EVI5: variants seen among roughly 807,000 people sequenced by gnomAD.
The protein encoded by EVI5 is ecotropic viral integration site 5 protein homolog.
In EVI5, 73 loss-of-function variants were observed where a neutral mutation model predicts 112.0. The observed-to-expected ratio is 0.65, with a 90% CI of 0.54 to 0.79. The LOEUF is 0.79. Ranked by LOEUF, EVI5 falls within the 30% of genes least tolerant of loss-of-function variation. The probability of loss-of-function intolerance (pLI) is 0.00; values close to 1 mark genes in which losing one functional copy is unlikely to be tolerated. For synonymous variants in EVI5, 305 were observed against 319.9 expected, an observed-to-expected ratio of 0.95 and a Z score of 0.50; for missense variants, 900 against 968.8, an observed-to-expected ratio of 0.93 and a Z score of 0.94.
chr1:92,668,648 C>T (rs1367205630), intron 10 of EVI5, among the ~76,000 whole-genome samples: 2 of 152,154 alleles, frequency 1.3e-5, no homozygotes, highest in Non-Finnish European at 2.9e-5. Flanking sequence ...TTTTCTCCCA[C>T]AAACAACTAA....
chr1:92,612,690 A>G (rs1483717960), intron 16 of EVI5, among the ~76,000 whole-genome samples: 2 of 147,472 alleles, frequency 1.4e-5, no homozygotes, highest in African/African-American at 5.0e-5. Context: ...AGCCTGGGTG[A>G]CAGAATAAGA....
At chr1:92,767,127 A>T (rs1023139475) in intron 1 of EVI5, among the ~76,000 whole-genome samples, 2 of 151,708 alleles carry the variant, frequency 1.3e-5, no homozygotes, top group African/African-American at 4.8e-5. Flanking sequence ...TCTAAATTAT[A>T]TGCCATCTGC....
chr1:92,561,601 A>T (rs1209827281), intron 19 of EVI5, among the ~76,000 whole-genome samples: 7 of 128,424 alleles, frequency 5.5e-5, no homozygotes, highest in African/African-American at 1.2e-4. Context: ...CTATCTATCT[A>T]ATCTATCCTA....
chr1:92,722,439 A>G (rs375179438), intron 2 of EVI5, among the ~76,000 whole-genome samples: 4 of 150,296 alleles, frequency 2.7e-5, no homozygotes, highest in African/African-American at 9.7e-5. Flanking sequence ...AGCATTAGGT[A>G]TATCTCCTAA....
chr1:92,628,932 G>C (rs982772969), intron 14 of EVI5, among the ~76,000 whole-genome samples: 3 of 152,172 alleles, frequency 2.0e-5, no homozygotes, highest in African/African-American at 7.2e-5. Context: ...AAAAGAGGAT[G>C]CTGCAGGAAG....
At chr1:92,586,343 T>C (rs1672775389) in intron 18 of EVI5, among the ~76,000 whole-genome samples, 1 of 152,160 alleles carries the variant, frequency 6.6e-6, no homozygotes, top group African/African-American at 2.4e-5. Flanking sequence ...TATTTAGAAT[T>C]CTTCTGCATA....
intron 19 of EVI5, among the ~76,000 whole-genome samples, chr1:92,516,577 G>T (rs1659922824): frequency 6.6e-6 from 1 of 152,166 alleles, no homozygotes; most frequent in South Asian, 2.1e-4. Context: ...TCTGATGAGG[G>T]AGGAGTCCTG....
chr1:92,694,252 TA>T, intron 8 of EVI5, 46 bp downstream of exon 8: 1 of 1,191,912 alleles, frequency 8.4e-7, no homozygotes, highest in Non-Finnish European at 1.2e-6. Flanking sequence ...GCAACAGAAC[TA>T]AACTCTGTCT....
At chr1:92,589,213 G>A (rs1292953637) in intron 18 of EVI5, among the ~76,000 whole-genome samples, 2 of 152,118 alleles carry the variant, frequency 1.3e-5, no homozygotes, top group Non-Finnish European at 2.9e-5. Flanking sequence ...AAAGATTCCT[G>A]CATTTCCAAC....
intron 19 of EVI5, among the ~76,000 whole-genome samples, chr1:92,544,085 G>A (rs1665278264): frequency 6.6e-6 from 1 of 152,158 alleles, no homozygotes; most frequent in Admixed American, 6.6e-5. Flanking sequence ...AAAACCACAG[G>A]TTCTATGATT....
intron 9 of EVI5, among the ~76,000 whole-genome samples, chr1:92,687,962 G>A (rs968363192): frequency 2.0e-5 from 3 of 152,208 alleles, no homozygotes; most frequent in African/African-American, 7.2e-5. Context: ...AACCATTGTG[G>A]AAGGCAGTGT....
rs548683177 is a variant in EVI5, at chr1:92,783,970, G to A, written c.-82+866C>T. ...GATCACTTTTCTTTAACTTCAGTAAGCACTGGAATTCATTCTTTCGGCAAA... is the reference window on the plus strand; with the variant it reads ...GATCACTTTTCTTTAACTTCAGTAAACACTGGAATTCATTCTTTCGGCAAA... On this transcript the variant is annotated intron_variant, in intron 1 of 19. Transcript: ENST00000684568. 1.5e-4 allele frequency among the ~76,000 whole-genome samples: 23 copies of A among 152,252 alleles called. No individual in the cohort carries two copies. In the South Asian group the frequency reaches 1.9e-3, roughly 12 times the overall value.
chr1:92,551,530 A>G (rs1242767859), intron 19 of EVI5, among the ~76,000 whole-genome samples: 1 of 152,256 alleles, frequency 6.6e-6, no homozygotes, highest in Non-Finnish European at 1.5e-5. Flanking sequence ...AGCTCATTTT[A>G]GCATCCCATA....
intron 19 of EVI5, among the ~76,000 whole-genome samples, chr1:92,553,319 T>C (rs868755790): frequency 9.5e-5 from 14 of 148,034 alleles, no homozygotes; most frequent in African/African-American, 3.5e-4. Flanking sequence ...TTTTTTTTTT[T>C]TGAGATGGAG....
intron 1 of EVI5, among the ~76,000 whole-genome samples, chr1:92,781,191 C>A (rs1193335054): frequency 6.6e-6 from 1 of 151,842 alleles, no homozygotes; most frequent in African/African-American, 2.4e-5. Flanking sequence ...CAAGAATTTA[C>A]TCTAAATTAT....
rs538828268 is a variant in EVI5, at chr1:92,652,772, A to C, written c.1392+9947T>G. Among the ~76,000 whole-genome samples, 155 of 152,352 alleles carry C rather than the reference A, an allele frequency of 1.0e-3. No individual in the cohort carries two copies. The Middle Eastern group carries it at 0.01, about 10-fold the overall frequency. On this transcript the variant is annotated intron_variant, in intron 13 of 19. Coordinates refer to ENST00000684568, the MANE Select transcript of EVI5 (RefSeq NM_001350197.2). Reference sequence around the variant, plus strand: ...CAGTTCTCTTCAGAAAGAAGAACCAAGGTTACAAGTGAATAACCATAATGT... The same window carrying C: ...CAGTTCTCTTCAGAAAGAAGAACCACGGTTACAAGTGAATAACCATAATGT...
intron 18 of EVI5, among the ~76,000 whole-genome samples, chr1:92,591,796 T>C (rs1177084): frequency 0.92 from 140,196 of 152,190 alleles, 64,666 homozygotes; most frequent in East Asian, 0.97. Flanking sequence ...CCCAAATCAA[T>C]AGAATATACA....
At chr1:92,521,643 G>A (rs1353530976) in intron 19 of EVI5, among the ~76,000 whole-genome samples, 4 of 150,896 alleles carry the variant, frequency 2.7e-5, no homozygotes, top group Non-Finnish European at 5.9e-5. Context: ...AGTGAGCTGA[G>A]ATTGCGCTAC....
Position 92,703,534 on chromosome 1 carries a change from T to A in EVI5, c.425A>T (p.Asp142Val), listed in dbSNP as rs773081130. 1.2e-6 allele frequency: 2 copies of A among 1,602,738 alleles called. No homozygotes were observed. Among genetic ancestry groups the A allele is most frequent in the South Asian group, 1.1e-5 (1 of 88,010 alleles). Reference sequence around the variant, plus strand: ...CATTTTCAGGAGTTCTGAATACTGATCCTTAATTGGCATACTTTGTGCACT... The same window carrying A: ...CATTTTCAGGAGTTCTGAATACTGAACCTTAATTGGCATACTTTGTGCACT... ...LCSAQSMPIK[D>V]QYSELLKMTS... is the part of the protein sequence containing the mutation. The change falls in exon 4 of 20, where the codon GAT becomes GTT. Residue 142 changes from aspartate (D) to valine (V), a missense_variant. Transcript: ENST00000684568.
Sources: gnomAD v4.1 joint callset for allele counts (sites outside exome capture counted in the v4.1 genomes callset) on GRCh38, gnomAD v4.1.1 for gene constraint, MANE v1.5 for transcripts, NCBI Gene and HGNC (gene_info 2026-07-23, HGNC 2026-07-21) for gene names.